Variants in COL12A1 observed in about 807,000 individuals in gnomAD.
COL12A1 encodes the protein collagen alpha-1(XII) chain.
In COL12A1, 114 loss-of-function variants were observed where a neutral mutation model predicts 349.7. The observed-to-expected ratio is 0.33, with a 90% CI of 0.28 to 0.38. The LOEUF (loss-of-function observed/expected upper bound fraction) is 0.38. COL12A1 is among the 10% of genes least tolerant of loss of function. The pLI, the probability that COL12A1 is intolerant of heterozygous loss-of-function variation, is 1.00. For synonymous variants in COL12A1, 1,369 were observed against 1,329.0 expected (o/e 1.03, Z -0.66); for missense variants, 3,284 against 3,756.9 (o/e 0.87, Z 3.29).
intron 65 of COL12A1, 47 bp from the exon 66 acceptor site, chr6:75,086,604 T>TA: frequency 6.7e-7 from 1 of 1,499,428 alleles, no homozygotes; most frequent in Non-Finnish European, 9.2e-7. Flanking sequence ...AATGACTAAG[T>TA]AAAAAATATA....
chr6:75,142,523 T>A (rs1283988071), intron 26 of COL12A1, among the ~76,000 whole-genome samples: 1 of 152,216 alleles, frequency 6.6e-6, no homozygotes, highest in Admixed American at 6.5e-5. Context: ...TCTTGTGAGA[T>A]CCACTGGCCA....
intron 44 of COL12A1, 26 bp downstream of exon 44, chr6:75,121,276 G>A: frequency 6.5e-7 from 1 of 1,542,072 alleles, no homozygotes; most frequent in Non-Finnish European, 8.8e-7. Flanking sequence ...TCACAAATGA[G>A]TAGCCACTGG....
intron 34 of COL12A1, among the ~76,000 whole-genome samples, chr6:75,132,724 A>G (rs1167082141): frequency 6.6e-6 from 1 of 152,230 alleles, no homozygotes; most frequent in Non-Finnish European, 1.5e-5. Context: ...AAAAGAAGAC[A>G]TTCATGCTTG....
rs780738804 is a variant in COL12A1 at position 75,086,267 on chromosome 6, C to G, written c.*280G>C. 7 of 198,694 alleles carry G rather than the reference C, an allele frequency of 3.5e-5. No individual in the cohort carries two copies. Among genetic ancestry groups the G allele is most frequent in the Non-Finnish European group, 6.2e-5 (6 of 97,020 alleles). The allele number at this position is 198,694 out of a possible 1,614,324, so 12.3% of individuals were successfully genotyped here. ...TTATGCACCTCTTTCAAAACTGAGG[C>G]TCCTCATGGCTGTGTGTTGGAACTT... is the stretch of plus-strand genomic sequence containing the variant. On this transcript the variant is annotated 3_prime_UTR_variant, in exon 66 of 66. Coordinates refer to ENST00000322507, the MANE Select transcript of COL12A1 (RefSeq NM_004370.6).
chr6:75,196,252 T>G (rs1460871892), intron 2 of COL12A1, among the ~76,000 whole-genome samples: 3 of 152,350 alleles, frequency 2.0e-5, no homozygotes, highest in African/African-American at 7.2e-5. Flanking sequence ...TGTTTTAGTC[T>G]GAAAGTATTC....
chr6:75,114,574 A>G (rs1768985648), intron 49 of COL12A1, among the ~76,000 whole-genome samples: 1 of 152,056 alleles, frequency 6.6e-6, no homozygotes, highest in African/African-American at 2.4e-5. Flanking sequence ...AAAGAACCAG[A>G]TAATAAGCTC....
intron 3 of COL12A1, among the ~76,000 whole-genome samples, chr6:75,193,557 G>T (rs1770056063): frequency 6.6e-6 from 1 of 152,192 alleles, no homozygotes; most frequent in Admixed American, 6.6e-5. Context: ...AGTGGAAGTA[G>T]TTATTTTCTT....
rs903567596 is a variant in COL12A1, at chr6:75,148,402, A to G, written c.4243T>C (p.Tyr1415His). 5 of 1,612,892 alleles carry G rather than the reference A, an allele frequency of 3.1e-6. No individual in the cohort carries two copies. The highest frequency in any genetic ancestry group is 2.7e-5 in the African/African-American group (2 of 74,740). ...WTPPSDSVDR[Y>H]KVEYYPVSGG... ...GAAACTGGATAGTATTCCACCTTAT[A>G]TCGATCCACACTGTCAGAAGGTGGT... Residue 1415 changes from tyrosine to histidine, a missense_variant, in exon 22 of 66, where the codon TAT becomes CAT. By Grantham distance (83) the Tyr-to-His change is moderately conservative (BLOSUM62 2). Around this residue, in one of 2 missense-constraint regions of COL12A1, gnomAD observed 2,601 missense variants for 2,824.8 expected, o/e 0.92. Coordinates refer to ENST00000322507, the MANE Select transcript of COL12A1 (RefSeq NM_004370.6).
chr6:75,204,506 T>C (rs1770677688), intron 1 of COL12A1, among the ~76,000 whole-genome samples: 1 of 152,174 alleles, frequency 6.6e-6, no homozygotes, highest in African/African-American at 2.4e-5. Flanking sequence ...CAATATATGT[T>C]TTAAAAAAGA....
chr6:75,111,929 G>A (rs1768859765), intron 51 of COL12A1, among the ~76,000 whole-genome samples: 1 of 151,660 alleles, frequency 6.6e-6, no homozygotes, highest in East Asian at 1.9e-4. Flanking sequence ...ACAACACTCT[G>A]GAAAGAAAGC....
intron 31 of COL12A1, among the ~76,000 whole-genome samples, chr6:75,135,235 C>T (rs1000029178): frequency 2.0e-5 from 3 of 152,162 alleles, no homozygotes; most frequent in African/African-American, 7.2e-5. Flanking sequence ...TTTAGAGGCT[C>T]CACACCACTT....
At chr6:75,174,940 G>A in intron 13 of COL12A1, 98 bp downstream of exon 13, 3 of 1,306,710 alleles carry the variant, frequency 2.3e-6, no homozygotes, top group Non-Finnish European at 3.2e-6. Flanking sequence ...AGAAAGGATT[G>A]CACACTTCTA....
chr6:75,148,450 G>A lies in COL12A1; in HGVS notation c.4195C>T (p.Arg1399Cys), dbSNP rs1292451766. The change falls in exon 22 of 66, where the codon CGT becomes TGT. Residue 1399 changes from arginine (R) to cysteine (C), a missense_variant. Physicochemically the swap from Arg to Cys is radical, Grantham distance 180 (BLOSUM62 -3). Transcript: ENST00000322507. ...GGTGTCCAGCTCACTCTAAAAGAACGATGGGTTCGCTCAGAAATAACTAAG... is the reference window on the plus strand; with the variant it reads ...GGTGTCCAGCTCACTCTAAAAGAACAATGGGTTCGCTCAGAAATAACTAAG... Reference protein sequence around the residue: ...SNLVISERTHRSFRVSWTPPS... With the variant: ...SNLVISERTHCSFRVSWTPPS... The A allele has an allele frequency of 3.7e-6, 6 of 1,613,380 alleles. No homozygotes were observed. Among genetic ancestry groups the A allele is most frequent in the African/African-American group, 2.7e-5 (2 of 75,006 alleles).
intron 51 of COL12A1, among the ~76,000 whole-genome samples, chr6:75,111,535 G>A (rs1451855932): frequency 6.6e-6 from 1 of 151,862 alleles, no homozygotes; most frequent in Non-Finnish European, 1.5e-5. Context: ...CAGTGGTTTA[G>A]TGGATGATCA....
chr6:75,200,875 C>A (rs552261975), intron 2 of COL12A1, among the ~76,000 whole-genome samples: 1 of 150,950 alleles, frequency 6.6e-6, no homozygotes, highest in African/African-American at 2.4e-5. Flanking sequence ...AAAAATGAAT[C>A]CTATTAAAAT....
chr6:75,153,708 T>C (rs1767608985), intron 17 of COL12A1, among the ~76,000 whole-genome samples: 1 of 152,132 alleles, frequency 6.6e-6, no homozygotes, highest in African/African-American at 2.4e-5. Context: ...TTTTTAGCAA[T>C]AATGAAAACT....
In COL12A1 at chr6:75,148,360, C is replaced by T; in HGVS notation, c.4285G>A (p.Glu1429Lys). 1 of 1,612,168 alleles carries T rather than the reference C, an allele frequency of 6.2e-7. No homozygotes were observed. The highest frequency in any genetic ancestry group is 8.5e-7 in the Non-Finnish European group (1 of 1,179,024). The stretch of plus-strand genomic sequence containing the variant: ...AAGTTATAGGTGTTCCTACTCACTT[C>T]TTGACGTTTCCCTCCAGAAACTGGA... ...YYPVSGGKRQEFYVSRMETST... is the reference protein window; with the variant it reads ...YYPVSGGKRQKFYVSRMETST... The change falls in exon 22 of 66, where the codon GAA becomes AAA. Residue 1429 changes from glutamate (E) to lysine (K), a missense_variant and splice_region_variant. Around this residue, in one of 2 missense-constraint regions of COL12A1, gnomAD observed 2,601 missense variants for 2,824.8 expected, o/e 0.92. Transcript: ENST00000322507.
intron 17 of COL12A1, 84 bp from the exon 18 acceptor site, chr6:75,152,566 G>A (rs946227579): frequency 1.3e-6 from 2 of 1,490,918 alleles, no homozygotes; most frequent in Middle Eastern, 1.9e-4. Context: ...CCACTCCCTG[G>A]ATCCTCAGTG....
chr6:75,134,737 C>T lies in COL12A1; in HGVS notation c.5513G>A (p.Arg1838Lys). The change falls in exon 32 of 66, where the codon AGA (arginine) becomes AAA (lysine). Residue 1838 changes from arginine (R) to lysine (K), a missense_variant. Physicochemically the swap from Arg to Lys is conservative, Grantham distance 26. Transcript: ENST00000322507. ...PDGEGGRMTG[R>K]GKTKPLNTVR... ...CAGGTTTCACTTACTGGTCTTGCCT[C>T]TTCCCGTCATCCGACCTCCTTCACC... is the stretch of plus-strand genomic sequence containing the variant. The T allele has an allele frequency of 6.2e-6, 10 of 1,605,858 alleles. No individual in the cohort carries two copies. Among genetic ancestry groups the T allele is most frequent in the Non-Finnish European group, 7.7e-6 (9 of 1,174,548 alleles).
Sources: gnomAD v4.1 joint callset for allele counts (sites outside exome capture counted in the v4.1 genomes callset) on GRCh38, gnomAD v4.1.1 for gene constraint, gnomAD v4.1.1 regional missense constraint, MANE v1.5 for transcripts, NCBI Gene and HGNC (gene_info 2026-07-23, HGNC 2026-07-21) for gene names.